CAMK1D: variants seen among roughly 807,000 people sequenced by gnomAD.
CAMK1D encodes calcium/calmodulin dependent protein kinase ID.
A neutral mutation model predicts 47.7 loss-of-function variants in CAMK1D; 9 were observed. The ratio of observed to expected loss-of-function variants is 0.19; its 90% CI spans 0.11 to 0.33. The LOEUF (loss-of-function observed/expected upper bound fraction) is 0.33. Ranked by LOEUF, CAMK1D falls within the 10% of genes least tolerant of loss-of-function variation. The pLI, the probability that CAMK1D is intolerant of heterozygous loss-of-function variation, is 1.00. For missense variants in CAMK1D, 291 were observed against 488.7 expected, an observed-to-expected ratio of 0.60 and a Z score of 3.81; for synonymous variants, 184 against 184.9, an observed-to-expected ratio of 0.99 and a Z score of 0.04.
chr10:12,489,635 G>A (rs1834320921), intron 1 of CAMK1D, among the ~76,000 whole-genome samples: 2 of 152,180 alleles, frequency 1.3e-5, no homozygotes, highest in South Asian at 2.1e-4. Context: ...TGTGCAGCTC[G>A]TTCCTAACCG....
intron 1 of CAMK1D, among the ~76,000 whole-genome samples, chr10:12,397,985 CT>C (rs1451321617): frequency 2.0e-5 from 3 of 152,176 alleles, no homozygotes; most frequent in Non-Finnish European, 4.4e-5. Context: ...CGTCTACCCC[CT>C]CCCACACTTT....
intron 1 of CAMK1D, among the ~76,000 whole-genome samples, chr10:12,481,724 G>T (rs888241099): frequency 1.3e-5 from 2 of 152,114 alleles, no homozygotes; most frequent in African/African-American, 4.8e-5. Flanking sequence ...TGGTCAGGCT[G>T]GTCTCGAACT....
At chr10:12,746,479 A>T (rs144652373) in intron 3 of CAMK1D, among the ~76,000 whole-genome samples, 1 of 152,304 alleles carries the variant, frequency 6.6e-6, no homozygotes, top group African/African-American at 2.4e-5. Context: ...TTGTTTAGAA[A>T]TGTGAATTTT....
chr10:12,796,633 C>T (rs1418052854), intron 6 of CAMK1D, among the ~76,000 whole-genome samples: 2 of 151,988 alleles, frequency 1.3e-5, no homozygotes, highest in African/African-American at 2.4e-5. Flanking sequence ...GCCCCAAGCC[C>T]CGGGGGGTCG....
At chr10:12,458,480 G>A (rs1410341475) in intron 1 of CAMK1D, among the ~76,000 whole-genome samples, 1 of 152,128 alleles carries the variant, frequency 6.6e-6, no homozygotes, top group African/African-American at 2.4e-5. Context: ...GCAGTAGCAC[G>A]ATCATAGCTC....
chr10:12,364,725 C>T lies in CAMK1D; in HGVS notation c.92+14815C>T, dbSNP rs559789990. 7.9e-5 allele frequency among the ~76,000 whole-genome samples: 12 copies of T among 152,266 alleles called. No individual in the cohort carries two copies. In the East Asian group the frequency reaches 9.6e-4, roughly 12 times the overall value. On this transcript the variant is annotated intron_variant, in intron 1 of 10. Coordinates refer to ENST00000619168, the MANE Select transcript of CAMK1D (RefSeq NM_153498.4). ...TGCTGATAAACTGGCCTTGGTGGGA[C>T]GGCAGTTCTGATTTGTAGCTCTTGC...
intron 1 of CAMK1D, among the ~76,000 whole-genome samples, chr10:12,455,701 C>G (rs1192192868): frequency 6.6e-6 from 1 of 152,154 alleles, no homozygotes; most frequent in Non-Finnish European, 1.5e-5. Flanking sequence ...ATGAAGCAAA[C>G]AGCTGAAAAC....
chr10:12,795,872 C>G (rs906371022), intron 6 of CAMK1D, among the ~76,000 whole-genome samples: 1 of 152,200 alleles, frequency 6.6e-6, no homozygotes, highest in African/African-American at 2.4e-5. Context: ...CAAAAAACAT[C>G]TTTGCTCAAA....
intron 2 of CAMK1D, among the ~76,000 whole-genome samples, chr10:12,635,846 C>A (rs1839499561): frequency 6.6e-6 from 1 of 152,060 alleles, no homozygotes; most frequent in Non-Finnish European, 1.5e-5. Context: ...AATGATACTC[C>A]ATTGAGCATT....
intron 1 of CAMK1D, among the ~76,000 whole-genome samples, chr10:12,481,534 G>A (rs1347218351): frequency 6.6e-6 from 1 of 151,772 alleles, no homozygotes; most frequent in East Asian, 1.9e-4. Context: ...TTTTGAGATG[G>A]AGTCTCGCCC....
chr10:12,514,309 A>C (rs1276800729), intron 1 of CAMK1D, among the ~76,000 whole-genome samples: 1 of 152,220 alleles, frequency 6.6e-6, no homozygotes, highest in East Asian at 1.9e-4. Flanking sequence ...TTATTATGCA[A>C]ATTCGGTAGC....
At chr10:12,564,909 T>C (rs1250364125) in intron 2 of CAMK1D, among the ~76,000 whole-genome samples, 2 of 152,218 alleles carry the variant, frequency 1.3e-5, no homozygotes, top group African/African-American at 2.4e-5. Context: ...TATACACACA[T>C]TGTAAATATG....
chr10:12,799,302 A>T (rs1838326848), intron 6 of CAMK1D, among the ~76,000 whole-genome samples: 1 of 152,216 alleles, frequency 6.6e-6, no homozygotes, highest in African/African-American at 2.4e-5. Flanking sequence ...CCGAAAGTGC[A>T]GTGAAAGGCC....
chr10:12,721,398 C>T (rs1171698987), intron 3 of CAMK1D, among the ~76,000 whole-genome samples: 1 of 152,158 alleles, frequency 6.6e-6, no homozygotes, highest in African/African-American at 2.4e-5. Context: ...AATGTATCGG[C>T]GGGCTGTGCA....
chr10:12,825,897 G>A (rs1833190387), intron 10 of CAMK1D: 1 of 724,454 alleles, frequency 1.4e-6, no homozygotes, highest in South Asian at 2.0e-5. Context: ...AACACTTTGG[G>A]AGGCTGAGGC....
intron 1 of CAMK1D, among the ~76,000 whole-genome samples, chr10:12,379,736 A>C (rs1838285644): frequency 1.3e-5 from 2 of 151,744 alleles, no homozygotes; most frequent in Admixed American, 6.6e-5. Context: ...CTGGGCGGCA[A>C]AGCGAAACCT....
chr10:12,437,595 C>T (rs1275231806), intron 1 of CAMK1D, among the ~76,000 whole-genome samples: 1 of 152,178 alleles, frequency 6.6e-6, no homozygotes, highest in Non-Finnish European at 1.5e-5. Flanking sequence ...TGCACAGGCT[C>T]TCCTACTATC....
intron 5 of CAMK1D, among the ~76,000 whole-genome samples, chr10:12,780,267 C>T (rs1362842296): frequency 1.3e-5 from 2 of 152,122 alleles, no homozygotes; most frequent in Non-Finnish European, 1.5e-5. Context: ...AGCCACCCAG[C>T]AGGGGACTTG....
intron 3 of CAMK1D, among the ~76,000 whole-genome samples, chr10:12,693,851 C>G (rs1833033269): frequency 7.4e-6 from 1 of 134,826 alleles, no homozygotes; most frequent in Non-Finnish European, 1.5e-5. Flanking sequence ...CCATGGCACT[C>G]TAGCATGGGG....
Sources: gnomAD v4.1 joint callset for allele counts (sites outside exome capture counted in the v4.1 genomes callset) on GRCh38, gnomAD v4.1.1 for gene constraint, MANE v1.5 for transcripts, NCBI Gene and HGNC (gene_info 2026-07-23, HGNC 2026-07-21) for gene names.